NXPH1: variants seen among roughly 807,000 people sequenced by gnomAD.
NXPH1 encodes the protein neurexophilin 1.
In NXPH1, 5 loss-of-function variants were observed where a neutral mutation model predicts 23.7. The ratio of observed to expected loss-of-function variants is 0.21; its 90% confidence interval spans 0.11 to 0.44. NXPH1 has a LOEUF of 0.44. Ranked by LOEUF, NXPH1 falls within the 20% of genes least tolerant of loss-of-function variation. The probability of loss-of-function intolerance (pLI) is 0.99; values close to 1 mark genes in which losing one functional copy is unlikely to be tolerated. For synonymous variants in NXPH1, 144 were observed against 122.2 expected (o/e 1.18, Z -1.18); for missense variants, 324 against 321.6 (o/e 1.01, Z -0.06).
At chr7:8,532,782 A>G (rs1817968960) in intron 2 of NXPH1, among the ~76,000 whole-genome samples, 2 of 152,130 alleles carry the variant, frequency 1.3e-5, no homozygotes. Flanking sequence ...GGCCTTGGGC[A>G]AGATAATTAC....
intron 2 of NXPH1, among the ~76,000 whole-genome samples, chr7:8,463,676 T>C (rs1057122250): frequency 6.6e-6 from 1 of 152,206 alleles, no homozygotes; most frequent in East Asian, 1.9e-4. Flanking sequence ...TACTTAATTT[T>C]GAGTGAGGTT....
rs897499804 is a variant in NXPH1 at position 8,707,928 on chromosome 7, T to C, written c.55-43080T>C. ...TCATATAGTTTAATTACTTAAATAATGCAGATAAAAGCTTTTTTTTCTTTT... is the reference window on the plus strand; with the variant it reads ...TCATATAGTTTAATTACTTAAATAACGCAGATAAAAGCTTTTTTTTCTTTT... On this transcript the variant is annotated intron_variant, in intron 2 of 2. Coordinates refer to ENST00000405863, the MANE Select transcript of NXPH1 (RefSeq NM_152745.3). 3.3e-5 allele frequency among the ~76,000 whole-genome samples: 5 copies of C among 152,338 alleles called. No homozygotes were observed. The South Asian group carries it at 6.2e-4, about 19-fold the overall frequency.
intron 2 of NXPH1, among the ~76,000 whole-genome samples, chr7:8,736,126 C>A (rs531759596): frequency 6.6e-6 from 1 of 152,132 alleles, no homozygotes; most frequent in Non-Finnish European, 1.5e-5. Context: ...GTCTCTATCT[C>A]CTTCAGTTCT....
At chr7:8,607,871 A>T (rs2128628831) in intron 2 of NXPH1, among the ~76,000 whole-genome samples, 1 of 152,316 alleles carries the variant, frequency 6.6e-6, no homozygotes, top group South Asian at 2.1e-4. Flanking sequence ...AGTAAGGTGG[A>T]CTCTTAATCC....
chr7:8,609,649 C>T (rs549312687), intron 2 of NXPH1, among the ~76,000 whole-genome samples: 6 of 152,188 alleles, frequency 3.9e-5, no homozygotes, highest in Non-Finnish European at 8.8e-5. Context: ...AAAATCCCAT[C>T]ACTTGTGTGA....
At chr7:8,465,731 A>G (rs1008896515) in intron 2 of NXPH1, among the ~76,000 whole-genome samples, 16 of 152,212 alleles carry the variant, frequency 1.1e-4, no homozygotes, top group Admixed American at 7.9e-4. Flanking sequence ...GAATATTTAA[A>G]AGTCAAAATG....
At chr7:8,491,985 C>CTGTGG (rs1473426393) in intron 2 of NXPH1, among the ~76,000 whole-genome samples, 1 of 151,976 alleles carries the variant, frequency 6.6e-6, no homozygotes, top group Non-Finnish European at 1.5e-5. Context: ...AGTAAAACTC[C>CTGTGG]TGTGGTGTGT....
chr7:8,637,836 A>G (rs1190192383), intron 2 of NXPH1, among the ~76,000 whole-genome samples: 1 of 152,206 alleles, frequency 6.6e-6, no homozygotes, highest in Non-Finnish European at 1.5e-5. Flanking sequence ...AACTGGGTAA[A>G]TATATTAATA....
chr7:8,517,653 G>T (rs1401119469), intron 2 of NXPH1, among the ~76,000 whole-genome samples: 1 of 152,162 alleles, frequency 6.6e-6, no homozygotes, highest in Admixed American at 6.5e-5. Context: ...AGCCCTCCCA[G>T]AAGAGATCTC....
rs558955785 is a variant in NXPH1, at chr7:8,434,956, A to G, written c.-111+201A>G. On this transcript the variant is annotated intron_variant, in intron 1 of 2. Transcript: ENST00000405863. The surrounding 1 kb of genome is among the most constrained non-coding windows in gnomAD (Gnocchi z 7.6). ...TGGCTCGAAAAAAGTAGTGCTAGAG[A>G]TGTGACTGTGAGCATTCGTGGGTAT... 2.0e-5 allele frequency: 3 copies of G among 152,334 alleles called. No homozygotes were observed. Among genetic ancestry groups the G allele is most frequent in the African/African-American group, 7.2e-5 (3 of 41,528 alleles). 9.4% of individuals were successfully genotyped at this position (152,334 alleles called of 1,614,324 possible). A position where few individuals can be genotyped will look rare whatever the true frequency, so the allele number is the denominator to read the frequency against.
chr7:8,645,334 G>C (rs1820380299), intron 2 of NXPH1, among the ~76,000 whole-genome samples: 2 of 152,002 alleles, frequency 1.3e-5, no homozygotes, highest in Non-Finnish European at 2.9e-5. Flanking sequence ...TATTTTCAAA[G>C]CTTTAAAATG....
chr7:8,587,726 A>G (rs1240593941), intron 2 of NXPH1, among the ~76,000 whole-genome samples: 4 of 152,132 alleles, frequency 2.6e-5, no homozygotes, highest in African/African-American at 9.7e-5. Flanking sequence ...ATGAGTGAGA[A>G]CGTGCGGTGT....
intron 2 of NXPH1, among the ~76,000 whole-genome samples, chr7:8,540,766 C>T (rs1173898509): frequency 1.3e-5 from 2 of 151,688 alleles, no homozygotes; most frequent in Non-Finnish European, 2.9e-5. Context: ...CTAACACTCA[C>T]ACAGTGCCAG....
At chr7:8,473,755 A>G (rs553351215) in intron 2 of NXPH1, among the ~76,000 whole-genome samples, 55 of 151,154 alleles carry the variant, frequency 3.6e-4, no homozygotes, top group African/African-American at 1.3e-3. Context: ...TTTTTTAAAG[A>G]GAAGGCAAAT....
intron 2 of NXPH1, among the ~76,000 whole-genome samples, chr7:8,631,081 G>T (rs62447910): frequency 6.6e-6 from 1 of 151,698 alleles, no homozygotes. Context: ...CTAGTGCCAT[G>T]TATGTCCCTG....
chr7:8,466,869 G>C (rs192566433), intron 2 of NXPH1, among the ~76,000 whole-genome samples: 1 of 151,856 alleles, frequency 6.6e-6, no homozygotes, highest in East Asian at 1.9e-4. Flanking sequence ...GTGGTAATGA[G>C]CACAGGGTCT....
intron 2 of NXPH1, among the ~76,000 whole-genome samples, chr7:8,725,058 C>T (rs187406222): frequency 2.0e-5 from 3 of 152,262 alleles, no homozygotes; most frequent in African/African-American, 7.2e-5. Context: ...AAGGGAGAAA[C>T]AGAAGGTCAA....
intron 2 of NXPH1, among the ~76,000 whole-genome samples, chr7:8,688,932 G>A (rs1216568455): frequency 6.6e-6 from 1 of 152,148 alleles, no homozygotes; most frequent in Admixed American, 6.5e-5. Flanking sequence ...ACTGACATCT[G>A]TTAATGTTTC....
intron 2 of NXPH1, among the ~76,000 whole-genome samples, chr7:8,522,330 A>G (rs2040766): frequency 0.35 from 52,456 of 151,724 alleles, 9,304 homozygotes; most frequent in African/African-American, 0.4. Flanking sequence ...AGTGTTGACA[A>G]TGCAGGCATA....
Sources: gnomAD v4.1 joint callset for allele counts (sites outside exome capture counted in the v4.1 genomes callset) on GRCh38, gnomAD v4.1.1 for gene constraint, Gnocchi (gnomAD v3.1) non-coding constraint, MANE v1.5 for transcripts, NCBI Gene and HGNC (gene_info 2026-07-23, HGNC 2026-07-21) for gene names.